PLCL2: variants seen among roughly 807,000 people sequenced by gnomAD.
The protein encoded by PLCL2 is phospholipase C like 2, also known as inactive phospholipase C-like protein 2.
A neutral mutation model predicts 79.6 loss-of-function variants in PLCL2; 4 were observed. The observed-to-expected ratio is 0.05, with a 90% CI of 0.02 to 0.11. PLCL2 has a LOEUF of 0.11. Among genes scored for constraint, PLCL2 ranks in the 10% least tolerant of loss-of-function variants. PLCL2 has a pLI of 1.00. For synonymous variants in PLCL2, 484 were observed against 457.7 expected (o/e 1.06, Z -0.73); for missense variants, 895 against 1,291.0 (o/e 0.69, Z 4.70).
chr3:16,934,023 C>CACCACTGCACTCCAGCCTGA (rs2124944865), intron 1 of PLCL2, among the ~76,000 whole-genome samples: 1 of 151,034 alleles, frequency 6.6e-6, no homozygotes, highest in African/African-American at 2.5e-5. Context: ...GCCCAGATTG[C>CACCACTGCACTCCAGCCTGA]ACCACTGCAC....
intron 4 of PLCL2, among the ~76,000 whole-genome samples, chr3:17,064,356 AT>A (rs1292375838): frequency 1.3e-5 from 2 of 152,156 alleles, no homozygotes; most frequent in Non-Finnish European, 2.9e-5. Context: ...TACCTATGCA[AT>A]AGCCCTTACA....
rs559910244 is a variant in PLCL2, at chr3:17,072,337, T to A, written c.3204+4272T>A. ...TGCTGGGTATTTTTAAAGCTACATG[T>A]TTTAGTTATAAGTATTGTTGGTTGT... On this transcript the variant is annotated intron_variant, in intron 5 of 5. Transcript: ENST00000615277. Among the ~76,000 whole-genome samples the A allele has an allele frequency of 3.2e-4, 49 of 152,118 alleles. 1 individual carries two copies. In the South Asian group the frequency reaches 0.01, roughly 32 times the overall value.
chr3:16,903,629 G>C (rs1483617068), intron 1 of PLCL2, among the ~76,000 whole-genome samples: 1 of 152,180 alleles, frequency 6.6e-6, no homozygotes, highest in African/African-American at 2.4e-5. Flanking sequence ...GTTCTGATGT[G>C]CCCAGCAGTG....
At chr3:16,890,655 C>T (rs772686884) in intron 1 of PLCL2, among the ~76,000 whole-genome samples, 1 of 152,188 alleles carries the variant, frequency 6.6e-6, no homozygotes, top group Admixed American at 6.5e-5. Context: ...ACTTTAACTT[C>T]TTTTCTGTTC....
At chr3:16,929,482 C>G (rs969896059) in intron 1 of PLCL2, among the ~76,000 whole-genome samples, 1 of 152,196 alleles carries the variant, frequency 6.6e-6, no homozygotes, top group Non-Finnish European at 1.5e-5. Flanking sequence ...ACTCAACTCA[C>G]TTTGCAATCA....
rs180734890 is a variant in PLCL2, at chr3:16,999,537, C to A, written c.328-10137C>A. The stretch of plus-strand genomic sequence containing the variant: ...AACTCATCTTATCATTGTAACAACC[C>A]TGTGAGGTAGGTACCATAAATAACA... On this transcript the variant is annotated intron_variant, in intron 1 of 5. Transcript: ENST00000615277. Among the ~76,000 whole-genome samples, 7 of 152,232 alleles carry A rather than the reference C, an allele frequency of 4.6e-5. No homozygotes were observed. The East Asian group carries it at 1.4e-3, about 29-fold the overall frequency.
At chr3:16,980,944 G>A (rs1315375471) in intron 1 of PLCL2, among the ~76,000 whole-genome samples, 1 of 152,242 alleles carries the variant, frequency 6.6e-6, no homozygotes, top group Admixed American at 6.5e-5. Context: ...GACCAGCCCG[G>A]CCAACACAGC....
chr3:17,022,903 C>T (rs1357503095), intron 3 of PLCL2, among the ~76,000 whole-genome samples: 1 of 152,192 alleles, frequency 6.6e-6, no homozygotes, highest in African/African-American at 2.4e-5. Flanking sequence ...CTATTGCATT[C>T]ATTACGTTAT....
At chr3:16,993,045 A>G (rs1175275557) in intron 1 of PLCL2, among the ~76,000 whole-genome samples, 1 of 152,170 alleles carries the variant, frequency 6.6e-6, no homozygotes, top group Non-Finnish European at 1.5e-5. Flanking sequence ...AAGTGTCCAG[A>G]CAGACTAGAA....
intron 5 of PLCL2, among the ~76,000 whole-genome samples, chr3:17,079,394 C>T (rs118090201): frequency 4.6e-5 from 7 of 152,350 alleles, no homozygotes; most frequent in Admixed American, 2.6e-4. Flanking sequence ...CTGTGCCAGA[C>T]GAGGCCACTG....
intron 1 of PLCL2, among the ~76,000 whole-genome samples, chr3:16,895,305 C>A (rs1443569108): frequency 6.6e-6 from 1 of 151,970 alleles, no homozygotes; most frequent in Non-Finnish European, 1.5e-5. Flanking sequence ...GTTTACTTAG[C>A]CTAATTCTAT....
intron 3 of PLCL2, 92 bp from the exon 4 acceptor site, chr3:17,042,782 T>G (rs980775844): frequency 2.3e-6 from 2 of 851,806 alleles, no homozygotes; most frequent in Admixed American, 3.9e-5. Flanking sequence ...TATCATCACA[T>G]CAGCCTGTTT....
chr3:17,022,366 C>G (rs1416424905), intron 3 of PLCL2, among the ~76,000 whole-genome samples: 1 of 152,044 alleles, frequency 6.6e-6, no homozygotes, highest in Non-Finnish European at 1.5e-5. Context: ...TTGGATTTTG[C>G]TCCTGTATAA....
chr3:16,931,621 G>A (rs947251641), intron 1 of PLCL2, among the ~76,000 whole-genome samples: 2 of 152,248 alleles, frequency 1.3e-5, no homozygotes, highest in East Asian at 3.9e-4. Context: ...AACATGCATT[G>A]GTCTTAGAGT....
chr3:16,927,362 T>A (rs902452563), intron 1 of PLCL2, among the ~76,000 whole-genome samples: 8 of 151,928 alleles, frequency 5.3e-5, no homozygotes, highest in Non-Finnish European at 8.8e-5. Context: ...CAAAAAAAAA[T>A]GAAATAAACA....
In PLCL2 at chr3:17,010,112, A is replaced by G. The variant is rs2124887143; in HGVS notation, c.766A>G (p.Thr256Ala). 1 of 1,614,152 alleles carries G rather than the reference A, an allele frequency of 6.2e-7. No individual in the cohort carries two copies. The highest frequency in any genetic ancestry group is 1.3e-5 in the African/African-American group (1 of 75,052). Reference protein sequence around the residue: ...LRYLISYGKHTLDMLESSQDN... With the variant: ...LRYLISYGKHALDMLESSQDN... ...GTACCTAATTTCTTATGGAAAACAT[A>G]CACTTGATATGTTAGAAAGTAGCCA... Residue 256 changes from threonine (T) to alanine (A), a missense_variant, in exon 2 of 6, where the codon ACA becomes GCA. Around this residue, in one of 6 missense-constraint regions of PLCL2, gnomAD observed 129 missense variants for 208.8 expected, o/e 0.62. Transcript: ENST00000615277. The surrounding 1 kb of genome is among the most constrained non-coding windows in gnomAD (Gnocchi z 5.8).
intron 3 of PLCL2, among the ~76,000 whole-genome samples, chr3:17,034,955 T>C (rs2124913233): frequency 6.6e-6 from 1 of 152,318 alleles, no homozygotes; most frequent in East Asian, 1.9e-4. Flanking sequence ...TTAGCATCCT[T>C]GTTCTTTTCC....
Position 16,885,247 on chromosome 3 carries a change from G to A in PLCL2, c.208G>A (p.Ala70Thr). 2 of 668,072 alleles carry A rather than the reference G, an allele frequency of 3.0e-6. No individual in the cohort carries two copies. The highest frequency in any genetic ancestry group is 1.5e-5 in the South Asian group (1 of 64,670). The allele number at this position is 668,072 out of a possible 1,614,324, so 41.4% of individuals were successfully genotyped here. The part of the protein sequence containing the change: ...SLGVSGDEAR[A>T]SPTRGPRGVA... ...CGGCGTGTCCGGGGACGAAGCCCGG[G>A]CTAGCCCTACCAGGGGACCCCGCGG... The change falls in exon 1 of 6, where the codon GCT becomes ACT. Residue 70 changes from alanine to threonine, a missense_variant. Physicochemically the swap from Ala to Thr is moderately conservative, Grantham distance 58. Around this residue, in one of 6 missense-constraint regions of PLCL2, gnomAD observed 110 missense variants for 42.9 expected, o/e 2.56. Coordinates refer to ENST00000615277, the MANE Select transcript of PLCL2 (RefSeq NM_001144382.2).
At chr3:16,922,108 G>A (rs1227882752) in intron 1 of PLCL2, among the ~76,000 whole-genome samples, 3 of 152,092 alleles carry the variant, frequency 2.0e-5, no homozygotes, top group Non-Finnish European at 2.9e-5. Context: ...TTTAAAATTC[G>A]TATGAAGCAG....
Sources: gnomAD v4.1 joint callset for allele counts (sites outside exome capture counted in the v4.1 genomes callset) on GRCh38, gnomAD v4.1.1 for gene constraint, gnomAD v4.1.1 regional missense constraint, Gnocchi (gnomAD v3.1) non-coding constraint, MANE v1.5 for transcripts, NCBI Gene and HGNC (gene_info 2026-07-23, HGNC 2026-07-21) for gene names.